The following ADAM22 variants were observed in gnomAD, a reference collection of about 807,000 sequenced individuals.
The protein encoded by ADAM22 is ADAM metallopeptidase domain 22, also known as disintegrin and metalloproteinase domain-containing protein 22.
A neutral mutation model predicts 144.6 loss-of-function variants in ADAM22; 65 were observed. The observed-to-expected ratio is 0.45, with a 90% CI of 0.37 to 0.55. ADAM22 has a LOEUF of 0.55. ADAM22 is among the 20% of genes least tolerant of loss of function. The pLI, the probability that ADAM22 is intolerant of heterozygous loss-of-function variation, is 0.00. For synonymous variants in ADAM22, 391 were observed against 412.6 expected (o/e 0.95, Z 0.63); for missense variants, 974 against 1,184.9 (o/e 0.82, Z 2.61).
chr7:88,007,195 T>C (rs1233997924), intron 3 of ADAM22, among the ~76,000 whole-genome samples: 1 of 152,150 alleles, frequency 6.6e-6, no homozygotes, highest in Non-Finnish European at 1.5e-5. Flanking sequence ...TTACAAGGGA[T>C]GTGAAGGACC....
At chr7:88,044,540 G>A (rs1251501290) in intron 3 of ADAM22, among the ~76,000 whole-genome samples, 1 of 151,864 alleles carries the variant, frequency 6.6e-6, no homozygotes, top group African/African-American at 2.4e-5. Context: ...TCCCCTTCCC[G>A]GGTTCAATCA....
chr7:88,098,744 A>G (rs183354070), intron 4 of ADAM22, among the ~76,000 whole-genome samples: 105 of 152,208 alleles, frequency 6.9e-4, no homozygotes, highest in Admixed American at 2.0e-3. Context: ...CTACAATAAT[A>G]TTCTTACACA....
chr7:88,168,287 A>C, intron 25 of ADAM22, 60 bp downstream of exon 25: 2 of 1,506,106 alleles, frequency 1.3e-6, no homozygotes, highest in Admixed American at 3.4e-5. Context: ...TTTTGATTAC[A>C]TGAAAACATC....
chr7:88,050,484 C>A (rs1404828143), intron 3 of ADAM22, among the ~76,000 whole-genome samples: 439 of 116,854 alleles, frequency 3.8e-3, no homozygotes, highest in Middle Eastern at 9.3e-3. Context: ...CAGGATAACT[C>A]AAAAAAAAAA....
chr7:88,168,187 G>C lies in ADAM22; in HGVS notation c.2242G>C (p.Val748Leu). The change falls in exon 25 of 32, where the codon GTG becomes CTG. Residue 748 changes from valine (V) to leucine (L), a missense_variant. Transcript: ENST00000413139. Reference sequence around the variant, plus strand: ...AGGCATAATTGCTGGCACCATTTTAGTGCTGGCCCTCATATTAGGAATAAC... The same window carrying C: ...AGGCATAATTGCTGGCACCATTTTACTGCTGGCCCTCATATTAGGAATAAC... ...IIGIIAGTILVLALILGITAW... is the reference protein window; with the variant it reads ...IIGIIAGTILLLALILGITAW... 6.2e-7 allele frequency: 1 copy of C among 1,613,218 alleles called. No individual in the cohort carries two copies. Among genetic ancestry groups the C allele is most frequent in the Non-Finnish European group, 8.5e-7 (1 of 1,179,552 alleles).
chr7:88,075,296 A>T (rs1814028883), intron 3 of ADAM22, among the ~76,000 whole-genome samples: 1 of 152,234 alleles, frequency 6.6e-6, no homozygotes, highest in Non-Finnish European at 1.5e-5. Flanking sequence ...ATAAAAAGTT[A>T]AAGTAAAAAA....
At chr7:88,150,065 C>G (rs937488441) in intron 18 of ADAM22, among the ~76,000 whole-genome samples, 2 of 152,130 alleles carry the variant, frequency 1.3e-5, no homozygotes, top group Non-Finnish European at 2.9e-5. Flanking sequence ...GGCGTTACCC[C>G]CTCTGGGACA....
At chr7:87,993,779 G>T (rs1216188373) in intron 3 of ADAM22, among the ~76,000 whole-genome samples, 1 of 152,142 alleles carries the variant, frequency 6.6e-6, no homozygotes, top group Non-Finnish European at 1.5e-5. Flanking sequence ...CCTCTTTGGG[G>T]TAACTCAAAG....
chr7:88,079,207 T>A (rs1420418657), intron 4 of ADAM22, among the ~76,000 whole-genome samples: 2 of 151,984 alleles, frequency 1.3e-5, no homozygotes, highest in East Asian at 1.9e-4. Context: ...TTCTTAAAAA[T>A]AAGAATTTTC....
chr7:88,010,040 T>C (rs376554529), intron 3 of ADAM22, among the ~76,000 whole-genome samples: 1 of 149,060 alleles, frequency 6.7e-6, no homozygotes, highest in African/African-American at 2.5e-5. Context: ...TTTTTTTTTT[T>C]CAAATATAAA....
chr7:88,184,132 A>C (rs1440884424), intron 29 of ADAM22, among the ~76,000 whole-genome samples: 2 of 152,206 alleles, frequency 1.3e-5, no homozygotes, highest in Non-Finnish European at 2.9e-5. Context: ...ATGAATTAAA[A>C]CATGCACCAT....
chr7:87,998,525 C>T (rs948454471), intron 3 of ADAM22, among the ~76,000 whole-genome samples: 11 of 151,948 alleles, frequency 7.2e-5, no homozygotes, highest in African/African-American at 1.7e-4. Flanking sequence ...CGAGTAGCTG[C>T]GACTACAGGT....
chr7:87,998,384 T>A (rs1791741869), intron 3 of ADAM22, among the ~76,000 whole-genome samples: 1 of 152,070 alleles, frequency 6.6e-6, no homozygotes, highest in Non-Finnish European at 1.5e-5. Flanking sequence ...CAGGAGAATA[T>A]CCCGATTTAT....
At chr7:88,026,051 T>G (rs1798957985) in intron 3 of ADAM22, among the ~76,000 whole-genome samples, 1 of 152,226 alleles carries the variant, frequency 6.6e-6, no homozygotes, top group Admixed American at 6.5e-5. Context: ...TGTAGAGATC[T>G]TTAGTTTCTT....
At chr7:88,084,214 A>G (rs1391584089) in intron 4 of ADAM22, among the ~76,000 whole-genome samples, 1 of 151,992 alleles carries the variant, frequency 6.6e-6, no homozygotes, top group Non-Finnish European at 1.5e-5. Context: ...AGTGCACTTC[A>G]CTCTGGGATC....
intron 3 of ADAM22, among the ~76,000 whole-genome samples, chr7:88,030,922 C>T (rs1800096551): frequency 6.6e-6 from 1 of 152,140 alleles, no homozygotes; most frequent in South Asian, 2.1e-4. Context: ...TGAGACCATC[C>T]TGGCTAACAC....
At chr7:88,157,755 T>A (rs1237287933) in intron 22 of ADAM22, among the ~76,000 whole-genome samples, 2 of 152,076 alleles carry the variant, frequency 1.3e-5, no homozygotes, top group African/African-American at 2.4e-5. Context: ...AAAGAATGAA[T>A]TAAGAGTAGA....
intron 3 of ADAM22, among the ~76,000 whole-genome samples, chr7:88,065,344 A>T (rs1347551785): frequency 6.6e-6 from 1 of 152,046 alleles, no homozygotes; most frequent in Non-Finnish European, 1.5e-5. Flanking sequence ...TATGGAAAAT[A>T]TTTCGTTTAA....
At chr7:87,979,766 G>C (rs971083712) in intron 3 of ADAM22, among the ~76,000 whole-genome samples, 1 of 152,052 alleles carries the variant, frequency 6.6e-6, no homozygotes, top group East Asian at 1.9e-4. Context: ...AGGAGACAGA[G>C]GTAAGATGAC....
Sources: gnomAD v4.1 joint callset for allele counts (sites outside exome capture counted in the v4.1 genomes callset) on GRCh38, gnomAD v4.1.1 for gene constraint, MANE v1.5 for transcripts, NCBI Gene and HGNC (gene_info 2026-07-23, HGNC 2026-07-21) for gene names.